Variants in TSPAN13 observed in about 807,000 individuals in gnomAD.
TSPAN13 encodes tetraspanin-13.
TSPAN13 carries 18 observed loss-of-function variants against 26.9 expected under a neutral mutation model. The ratio of observed to expected loss-of-function variants is 0.67; its 90% CI spans 0.46 to 0.99. TSPAN13 has a LOEUF of 0.99. Among genes scored for constraint, TSPAN13 ranks in the 50% least tolerant of loss-of-function variants. The pLI is 0.00. For missense variants in TSPAN13, 201 were observed against 249.6 expected, an observed-to-expected ratio of 0.81 and a Z score of 1.31; for synonymous variants, 116 against 98.4, an observed-to-expected ratio of 1.18 and a Z score of -1.06.
rs60512988 is a variant in TSPAN13 at position 16,764,184 on chromosome 7, A to AT, written c.63+10170dup. On this transcript the variant is annotated intron_variant, in intron 1 of 5. Transcript: ENST00000262067. ...AGGCACATGCCACCATGCCCAGCTA[A>AT]TTTTTTTTTTTTTTTTGTATTTTTA... is the stretch of plus-strand genomic sequence containing the variant. Among the ~76,000 whole-genome samples the AT allele has an allele frequency of 9.7e-4, 140 of 144,362 alleles. 1 individual carries two copies. Among genetic ancestry groups the AT allele is most frequent in the Middle Eastern group, 3.5e-3 (1 of 282 alleles). The allele number at this position is 144,362 out of a possible 152,430, so 94.7% of individuals were successfully genotyped here. A position where few individuals can be genotyped will look rare whatever the true frequency, so the allele number is the denominator to read the frequency against.
At chr7:16,766,533 G>A (rs1382347148) in intron 1 of TSPAN13, among the ~76,000 whole-genome samples, 2 of 152,202 alleles carry the variant, frequency 1.3e-5, no homozygotes, top group Non-Finnish European at 2.9e-5. Context: ...CAAACGTGTG[G>A]AGAATCAGCA....
At chr7:16,761,690 ATTTT>A (rs35451307) in intron 1 of TSPAN13, among the ~76,000 whole-genome samples, 6 of 93,322 alleles carry the variant, frequency 6.4e-5, no homozygotes, top group Admixed American at 1.4e-4. Context: ...CAGCTAATTA[ATTTT>A]TTTTTTTTTT....
chr7:16,770,706 G>A (rs775170006), intron 1 of TSPAN13, among the ~76,000 whole-genome samples: 2 of 151,990 alleles, frequency 1.3e-5, no homozygotes, highest in Non-Finnish European at 2.9e-5. Context: ...TGGGAATCCT[G>A]TAAGGGCTGG....
chr7:16,763,537 G>C (rs962258016), intron 1 of TSPAN13, among the ~76,000 whole-genome samples: 30 of 152,238 alleles, frequency 2.0e-4, no homozygotes, highest in Non-Finnish European at 4.0e-4. Context: ...TTTCTTTTAC[G>C]GGCTAGATCT....
chr7:16,772,397 C>T (rs1784690527), intron 1 of TSPAN13, among the ~76,000 whole-genome samples: 1 of 152,210 alleles, frequency 6.6e-6, no homozygotes, highest in African/African-American at 2.4e-5. Flanking sequence ...TTTATCCCCT[C>T]ACAGTCCTGG....
At chr7:16,767,988 C>T (rs1784626542) in intron 1 of TSPAN13, among the ~76,000 whole-genome samples, 1 of 152,226 alleles carries the variant, frequency 6.6e-6, no homozygotes. Flanking sequence ...TCTCGGCCCA[C>T]TGCAACCTCC....
Position 16,776,278 on chromosome 7 carries a change from G to T in TSPAN13, c.131G>T (p.Arg44Leu). The stretch of plus-strand genomic sequence containing the variant: ...GGCTTCGGGCTGATTTCCAGTCTCC[G>T]AGTGGTCGGCGTGGTCATTGCAGTG... ...GIGFGLISSLRVVGVVIAVGI... is the reference protein window; with the variant it reads ...GIGFGLISSLLVVGVVIAVGI... The change falls in exon 2 of 6, where the codon CGA (arginine) becomes CTA (leucine). Residue 44 changes from arginine (R) to leucine (L), a missense_variant. Arg to Leu is a moderately radical substitution (Grantham distance 102). Transcript: ENST00000262067. The T allele has an allele frequency of 1.2e-6, 2 of 1,614,062 alleles. No homozygotes were observed. Among genetic ancestry groups the T allele is most frequent in the Non-Finnish European group, 1.7e-6 (2 of 1,179,994 alleles).
At chr7:16,759,493 C>T (rs553870901) in intron 1 of TSPAN13, among the ~76,000 whole-genome samples, 1 of 152,076 alleles carries the variant, frequency 6.6e-6, no homozygotes, top group Non-Finnish European at 1.5e-5. Context: ...TCCACCCCTA[C>T]GAATCACCTC....
At chr7:16,782,656 G>A (rs1050108349) in intron 5 of TSPAN13, among the ~76,000 whole-genome samples, 2 of 152,042 alleles carry the variant, frequency 1.3e-5, no homozygotes, top group Non-Finnish European at 2.9e-5. Context: ...AGAGAGGTAG[G>A]AATTATAACA....
At chr7:16,778,100 G>A (rs1402618237) in intron 4 of TSPAN13, among the ~76,000 whole-genome samples, 189 bp downstream of exon 4, 1 of 152,120 alleles carries the variant, frequency 6.6e-6, no homozygotes, top group East Asian at 1.9e-4. Context: ...AGAGAGTGTT[G>A]AGAATTTCAA....
chr7:16,758,441 A>G (rs1159084294), intron 1 of TSPAN13, among the ~76,000 whole-genome samples: 2 of 152,186 alleles, frequency 1.3e-5, no homozygotes, highest in African/African-American at 4.8e-5. Context: ...CAGATAGTAT[A>G]TAAATGCTTT....
At chr7:16,760,003 G>T (rs1784524346) in intron 1 of TSPAN13, among the ~76,000 whole-genome samples, 1 of 152,130 alleles carries the variant, frequency 6.6e-6, no homozygotes, top group Admixed American at 6.5e-5. Context: ...AGTATTGCTG[G>T]TTTATGCAAG....
At position 16,783,463 on chromosome 7, in the gene TSPAN13, C is replaced by G; in HGVS notation, c.587C>G (p.Pro196Arg). The G allele has an allele frequency of 1.2e-6, 2 of 1,613,788 alleles. No individual in the cohort carries two copies. Among genetic ancestry groups the G allele is most frequent in the Non-Finnish European group, 1.7e-6 (2 of 1,179,822 alleles). The stretch of plus-strand genomic sequence containing the variant: ...TACAGATACAGGAACCAGAAAGACC[C>G]CCGCGCGAATCCTAGTGCATTCCTT... The part of the protein sequence containing the change: ...LTYRYRNQKD[P>R]RANPSAFL The change falls in exon 6 of 6, where the codon CCC becomes CGC. Residue 196 changes from proline (P) to arginine (R), a missense_variant. Physicochemically the swap from Pro to Arg is moderately radical, Grantham distance 103. Coordinates refer to ENST00000262067, the MANE Select transcript of TSPAN13 (RefSeq NM_014399.4).
chr7:16,753,837 C>T lies in TSPAN13; in HGVS notation c.-131C>T. 1 of 993,722 alleles carries T rather than the reference C, an allele frequency of 1.0e-6. No individual in the cohort carries two copies. The highest frequency in any genetic ancestry group is 1.5e-6 in the Non-Finnish European group (1 of 650,006). The allele number at this position is 993,722 out of a possible 1,614,324, so 61.6% of individuals were successfully genotyped here. On this transcript the variant is annotated 5_prime_UTR_variant, in exon 1 of 6. Transcript: ENST00000262067. The stretch of plus-strand genomic sequence containing the variant: ...GCGCCGCGCACTGCAGCCCCAGGCC[C>T]CGGCCCCCCACCCACGTCTGCGTTG...
At chr7:16,762,135 G>T (rs1643311954) in intron 1 of TSPAN13, among the ~76,000 whole-genome samples, 1 of 152,098 alleles carries the variant, frequency 6.6e-6, no homozygotes, top group Admixed American at 6.6e-5. Context: ...CTTGAAATGT[G>T]GTGGATATTT....
intron 1 of TSPAN13, among the ~76,000 whole-genome samples, chr7:16,773,304 GCTAA>G (rs1280997908): frequency 6.7e-5 from 10 of 149,150 alleles, no homozygotes; most frequent in Non-Finnish European, 1.0e-4. Context: ...TGTACAGCCT[GCTAA>G]CTTAGAATGG....
intron 5 of TSPAN13, among the ~76,000 whole-genome samples, 173 bp from the exon 6 acceptor site, chr7:16,783,244 T>C (rs1471700301): frequency 6.6e-6 from 1 of 152,136 alleles, no homozygotes; most frequent in Non-Finnish European, 1.5e-5. Context: ...TAATTTTTTC[T>C]CAGCGCCCGT....
chr7:16,776,190 G>C, intron 1 of TSPAN13, 21 bp from the exon 2 acceptor site: 4 of 1,610,802 alleles, frequency 2.5e-6, no homozygotes, highest in Non-Finnish European at 3.4e-6. Context: ...CTCTACCCCT[G>C]CCCCCTGGGT....
intron 1 of TSPAN13, among the ~76,000 whole-genome samples, chr7:16,771,229 G>A (rs867393474): frequency 7.2e-5 from 11 of 152,086 alleles, no homozygotes; most frequent in East Asian, 1.9e-4. Flanking sequence ...GCTCACTTAC[G>A]TATTTAAATA....
Sources: gnomAD v4.1 joint callset for allele counts (sites outside exome capture counted in the v4.1 genomes callset) on GRCh38, gnomAD v4.1.1 for gene constraint, MANE v1.5 for transcripts, NCBI Gene and HGNC (gene_info 2026-07-23, HGNC 2026-07-21) for gene names.